The following CCDC91 variants were observed in gnomAD, a reference collection of about 807,000 sequenced individuals.
CCDC91 encodes coiled-coil domain containing 91, also known as coiled-coil domain-containing protein 91.
Under a neutral mutation model 63.2 loss-of-function variants are expected in CCDC91, and 48 were observed. The observed-to-expected ratio is 0.76, with a 90% confidence interval of 0.60 to 0.97. CCDC91 has a LOEUF of 0.97. Ranked by LOEUF, CCDC91 falls within the 50% of genes least tolerant of loss-of-function variation. The probability of loss-of-function intolerance (pLI) is 0.00; values close to 1 mark genes in which losing one functional copy is unlikely to be tolerated. For synonymous variants in CCDC91, 167 were observed against 165.8 expected (o/e 1.01, Z -0.06); for missense variants, 500 against 494.6 (o/e 1.01, Z -0.10).
At chr12:28,464,016 G>A (rs1235045986) in intron 11 of CCDC91, among the ~76,000 whole-genome samples, 1 of 152,114 alleles carries the variant, frequency 6.6e-6, no homozygotes, top group Non-Finnish European at 1.5e-5. Context: ...CCCATCCAGA[G>A]AGTGTCTCTC....
chr12:28,332,865 G>A (rs1283847034), intron 6 of CCDC91, among the ~76,000 whole-genome samples: 2 of 150,062 alleles, frequency 1.3e-5, no homozygotes, highest in African/African-American at 2.4e-5. Flanking sequence ...TTTTTTTTTC[G>A]TAAGGCATGT....
At chr12:28,467,892 A>G (rs1950621684) in intron 11 of CCDC91, among the ~76,000 whole-genome samples, 1 of 151,896 alleles carries the variant, frequency 6.6e-6, no homozygotes. Flanking sequence ...TCAGAAGGAA[A>G]TTGAAGCATA....
At chr12:28,233,265 CT>C (rs1944724528) in intron 1 of CCDC91, among the ~76,000 whole-genome samples, 1 of 152,114 alleles carries the variant, frequency 6.6e-6, no homozygotes, top group African/African-American at 2.4e-5. Context: ...CCCCCAACCC[CT>C]GGTGTCTACT....
intron 11 of CCDC91, among the ~76,000 whole-genome samples, chr12:28,475,807 C>T (rs1951053796): frequency 6.6e-6 from 1 of 151,894 alleles, no homozygotes; most frequent in Admixed American, 6.6e-5. Flanking sequence ...AACCATGAGG[C>T]AAACCATGAA....
intron 7 of CCDC91, among the ~76,000 whole-genome samples, chr12:28,379,452 C>CAA (rs199790729): frequency 3.0e-4 from 14 of 47,322 alleles, no homozygotes; most frequent in South Asian, 1.7e-3. Flanking sequence ...AACAAATTTA[C>CAA]AAAAAAAAAA....
chr12:28,219,887 A>T (rs1172962521), intron 1 of CCDC91, among the ~76,000 whole-genome samples: 2 of 151,568 alleles, frequency 1.3e-5, no homozygotes, highest in African/African-American at 4.9e-5. Flanking sequence ...TCTCCCTTTA[A>T]TATTCTAATT....
chr12:28,536,747 A>G (rs1942208953), intron 12 of CCDC91, among the ~76,000 whole-genome samples: 1 of 152,152 alleles, frequency 6.6e-6, no homozygotes, highest in African/African-American at 2.4e-5. Flanking sequence ...TATCATTGGG[A>G]CAAATTTTCC....
intron 3 of CCDC91, among the ~76,000 whole-genome samples, chr12:28,277,229 T>C (rs1256541146): frequency 6.6e-6 from 1 of 151,946 alleles, no homozygotes; most frequent in African/African-American, 2.4e-5. Context: ...ATTTTAGAGA[T>C]TTATAAATGA....
At chr12:28,440,922 G>A (rs1159441649) in intron 8 of CCDC91, among the ~76,000 whole-genome samples, 1 of 151,588 alleles carries the variant, frequency 6.6e-6, no homozygotes, top group East Asian at 1.9e-4. Context: ...GCCAGGCGTG[G>A]TGGTGTGCAC....
intron 7 of CCDC91, among the ~76,000 whole-genome samples, chr12:28,383,455 T>G (rs1273053525): frequency 6.6e-6 from 1 of 152,166 alleles, no homozygotes; most frequent in Non-Finnish European, 1.5e-5. Flanking sequence ...GTTTGTTTCT[T>G]AATTCAGCTT....
chr12:28,522,140 AG>A (rs1468273606), intron 12 of CCDC91, among the ~76,000 whole-genome samples: 192 of 152,290 alleles, frequency 1.3e-3, no homozygotes, highest in African/African-American at 4.5e-3. Flanking sequence ...TAGTTTCAGA[AG>A]GAATGGTACA....
rs1592078493 is a variant in CCDC91, at chr12:28,240,349, A to G, written c.-14-16853A>G. 1.3e-5 allele frequency among the ~76,000 whole-genome samples: 2 copies of G among 152,106 alleles called. 1 individual carries two copies. Among genetic ancestry groups the G allele is most frequent in the East Asian group, 3.9e-4 (2 of 5,184 alleles). On this transcript the variant is annotated intron_variant, in intron 1 of 12. Coordinates refer to ENST00000536442, the MANE Select transcript of CCDC91 (RefSeq NM_018318.5). ...GTCTAGTTTTATTGATTACTTCTTG[A>G]CTTTTTTTTCCTTTTTGTTTATCTC...
chr12:28,393,184 T>C, intron 8 of CCDC91, among the ~76,000 whole-genome samples: 1 of 152,160 alleles, frequency 6.6e-6, no homozygotes, highest in East Asian at 1.9e-4. Flanking sequence ...AAATGGATTT[T>C]GAAGATTATA....
chr12:28,306,494 G>C (rs975850284), intron 4 of CCDC91, among the ~76,000 whole-genome samples: 8 of 151,982 alleles, frequency 5.3e-5, no homozygotes. Flanking sequence ...GTCTTTTAGT[G>C]CATTGGTAGC....
chr12:28,411,264 T>C (rs1475640803), intron 8 of CCDC91, among the ~76,000 whole-genome samples: 1 of 152,210 alleles, frequency 6.6e-6, no homozygotes, highest in Non-Finnish European at 1.5e-5. Context: ...TTTAAAATTT[T>C]ACTGCTCTTA....
chr12:28,455,753 G>A (rs1439377826), intron 11 of CCDC91, among the ~76,000 whole-genome samples: 2 of 151,910 alleles, frequency 1.3e-5, no homozygotes, highest in African/African-American at 4.8e-5. Flanking sequence ...GGTGGAGATG[G>A]CAATAATTAA....
intron 10 of CCDC91, 39 bp from the exon 11 acceptor site, chr12:28,452,439 A>AGTCG (rs778044686): frequency 3.7e-6 from 5 of 1,346,768 alleles, no homozygotes; most frequent in Admixed American, 4.6e-5. Context: ...ATTATTATGC[A>AGTCG]GTCTTTCAAA....
chr12:28,332,888 A>C (rs1235781410), intron 6 of CCDC91, among the ~76,000 whole-genome samples: 1 of 151,932 alleles, frequency 6.6e-6, no homozygotes, highest in Non-Finnish European at 1.5e-5. Context: ...TAGCCTTTGC[A>C]CTTATGAACA....
intron 8 of CCDC91, among the ~76,000 whole-genome samples, chr12:28,421,602 G>A (rs975729171): frequency 6.7e-6 from 1 of 149,380 alleles, no homozygotes; most frequent in African/African-American, 2.5e-5. Context: ...TGGTGTATAT[G>A]TCTGTCACTG....
Sources: allele counts gnomAD v4.1 joint callset (sites outside exome capture counted in the v4.1 genomes callset), GRCh38; gene constraint gnomAD v4.1.1; transcripts MANE v1.5; gene names NCBI Gene and HGNC (gene_info 2026-07-23, HGNC 2026-07-21).